The following SBSPON variants were observed in gnomAD, a reference collection of about 807,000 sequenced individuals.
SBSPON encodes the protein somatomedin B and thrombospondin type 1 domain containing.
Under a neutral mutation model 35.8 loss-of-function variants are expected in SBSPON, and 30 were observed. The observed-to-expected ratio is 0.84, with a 90% CI of 0.63 to 1.14. The LOEUF (loss-of-function observed/expected upper bound fraction) is 1.14, where lower values mean the gene tolerates loss of function less well. Among genes scored for constraint, SBSPON ranks in the 50% most tolerant of loss-of-function variants. The pLI, the probability that SBSPON is intolerant of heterozygous loss-of-function variation, is 0.00. For missense variants in SBSPON, 364 were observed against 357.7 expected (o/e 1.02, Z -0.14); for synonymous variants, 136 against 135.9 (o/e 1.00, Z 0.00).
intron 1 of SBSPON, among the ~76,000 whole-genome samples, chr8:73,084,067 A>G (rs2130028728): frequency 6.6e-6 from 1 of 152,360 alleles, no homozygotes; most frequent in South Asian, 2.1e-4. Context: ...GAGAGCACAG[A>G]CAGAAAATAA....
At position 73,093,111 on chromosome 8, in the gene SBSPON, G is replaced by T; in HGVS notation, c.-44C>A. On this transcript the variant is annotated 5_prime_UTR_variant, in exon 1 of 5. Coordinates refer to ENST00000297354, the MANE Select transcript of SBSPON (RefSeq NM_153225.4). ...GCCTGCGACGCGACAGACCCCCGGG[G>T]CAAGCGCTCTGATCCTCGGCTGGCC... 8.8e-7 allele frequency: 1 copy of T among 1,141,794 alleles called. No individual in the cohort carries two copies. The highest frequency in any genetic ancestry group is 1.6e-5 in the African/African-American group (1 of 60,656). The allele number at this position is 1,141,794 out of a possible 1,614,324, so 70.7% of individuals were successfully genotyped here.
At chr8:73,070,376 A>G (rs956653069) in intron 3 of SBSPON, among the ~76,000 whole-genome samples, 1 of 152,318 alleles carries the variant, frequency 6.6e-6, no homozygotes, top group African/African-American at 2.4e-5. Context: ...CACTTGCTTG[A>G]GCCTGAGAAC....
intron 3 of SBSPON, among the ~76,000 whole-genome samples, chr8:73,070,186 C>A (rs1311036402): frequency 1.3e-5 from 2 of 152,130 alleles, no homozygotes; most frequent in East Asian, 1.9e-4. Flanking sequence ...TCACAAAGAA[C>A]CTTTGTGCCC....
intron 3 of SBSPON, among the ~76,000 whole-genome samples, chr8:73,071,140 A>C (rs533726634): frequency 5.3e-5 from 8 of 152,296 alleles, no homozygotes; most frequent in African/African-American, 1.7e-4. Context: ...TACAGGTATG[A>C]GCAACCAGGC....
At chr8:73,071,985 G>T in intron 2 of SBSPON, 115 bp from the exon 3 acceptor site, 1 of 683,746 alleles carries the variant, frequency 1.5e-6, no homozygotes. Flanking sequence ...ACAGGGCTAC[G>T]GCACACCATC....
At position 73,092,978 on chromosome 8, in the gene SBSPON, G is replaced by A. The variant is rs756937427; in HGVS notation, c.90C>T (p.Pro30=). The part of the protein sequence containing the change: ...AGCAEAGRCC[P]GRDPACFARG... The stretch of plus-strand genomic sequence containing the variant: ...GGGCGAAGCAGGCGGGGTCCCGGCC[G>A]GGACAGCAGCGCCCGGCCTCGGCGC... Residue 30 remains proline, a synonymous_variant, in exon 1 of 5, where the codon CCC becomes CCT. Transcript: ENST00000297354. 3.2e-6 allele frequency: 5 copies of A among 1,571,066 alleles called. No individual in the cohort carries two copies. Among genetic ancestry groups the A allele is most frequent in the African/African-American group, 2.8e-5 (2 of 71,360 alleles).
At chr8:73,081,595 C>T (rs961926839) in intron 1 of SBSPON, among the ~76,000 whole-genome samples, 1 of 151,876 alleles carries the variant, frequency 6.6e-6, no homozygotes, top group African/African-American at 2.4e-5. Flanking sequence ...CTGCCCATAA[C>T]ATTTTTATTA....
chr8:73,069,753 A>G (rs1020779586), intron 4 of SBSPON, 52 bp downstream of exon 4: 2 of 1,468,730 alleles, frequency 1.4e-6, no homozygotes, highest in African/African-American at 1.4e-5. Context: ...GAGAGGACAG[A>G]TTTCTCAGAA....
rs568650778 is a variant in SBSPON, at chr8:73,092,650, A to G, written c.214+204T>C. On this transcript the variant is annotated intron_variant, in intron 1 of 4. Coordinates refer to ENST00000297354, the MANE Select transcript of SBSPON (RefSeq NM_153225.4). Reference sequence around the variant, plus strand: ...TCTGGTCTGTCTTGGGGGTGGGGGGACACTTCGATGTCTAGCAGGGGACTG... The same window carrying G: ...TCTGGTCTGTCTTGGGGGTGGGGGGGCACTTCGATGTCTAGCAGGGGACTG... Among the ~76,000 whole-genome samples the G allele has an allele frequency of 2.6e-4, 40 of 151,588 alleles. 1 individual carries two copies. Among genetic ancestry groups the G allele is most frequent in the African/African-American group, 9.2e-4 (38 of 41,322 alleles).
chr8:73,073,024 TATA>T (rs1028165132), intron 2 of SBSPON, among the ~76,000 whole-genome samples: 1 of 152,226 alleles, frequency 6.6e-6, no homozygotes, highest in Admixed American at 6.5e-5. Context: ...CATTTGTTGC[TATA>T]ATAACACCTA....
In SBSPON at chr8:73,093,048, GC is replaced by G; in HGVS notation, c.19del (p.Ala7ArgfsTer135). The G allele has an allele frequency of 7.3e-7, 1 of 1,373,296 alleles. No homozygotes were observed. Among genetic ancestry groups the G allele is most frequent in the South Asian group, 1.8e-5 (1 of 54,788 alleles). The allele number at this position is 1,373,296 out of a possible 1,614,324, so 85.1% of individuals were successfully genotyped here. MRTLWM[A>X]LCALSRLWPG... ...CCACAGCCGCGACAGCGCGCACAGC[GC>G]CATCCACAGGGTCCTCATGGCCAGG... On this transcript the variant is annotated frameshift_variant, in exon 1 of 5. Coordinates refer to ENST00000297354, the MANE Select transcript of SBSPON (RefSeq NM_153225.4). LOFTEE classifies it high-confidence loss of function.
rs1240291771 is a variant in SBSPON at position 73,093,020 on chromosome 8, G to A, written c.48C>T (p.Pro16=). The A allele has an allele frequency of 9.9e-6, 14 of 1,409,690 alleles. No homozygotes were observed. The highest frequency in any genetic ancestry group is 3.8e-5 in the Admixed American group (1 of 26,068). 87.3% of individuals were successfully genotyped at this position (1,409,690 alleles called of 1,614,324 possible). The change falls in exon 1 of 5, where the codon CCC becomes CCT. Residue 16 remains proline (P), a synonymous_variant. Coordinates refer to ENST00000297354, the MANE Select transcript of SBSPON (RefSeq NM_153225.4). ...CCTCGGCGCAGCCGGCCTGGGCCCC[G>A]GGCCACAGCCGCGACAGCGCGCACA... ...MALCALSRLW[P]GAQAGCAEAG...
intron 2 of SBSPON, among the ~76,000 whole-genome samples, chr8:73,080,080 G>A (rs1435254169): frequency 6.6e-6 from 1 of 152,104 alleles, no homozygotes; most frequent in Non-Finnish European, 1.5e-5. Flanking sequence ...TTCTCTGTGA[G>A]CCTTGTATGG....
Position 73,069,911 on chromosome 8 carries a change from A to G in SBSPON, c.571T>C (p.Trp191Arg). ...TATCCCTCTCGGAGATACTGCATCC[A>G]TCTAGTCAAGGGCCAGTTTTCCAGA... ...CALENWPLTRWMQYLREGYTV... is the reference protein window; with the variant it reads ...CALENWPLTRRMQYLREGYTV... The change falls in exon 4 of 5, where the codon TGG becomes CGG. Residue 191 changes from tryptophan (W) to arginine (R), a missense_variant. Transcript: ENST00000297354. 1 of 1,612,950 alleles carries G rather than the reference A, an allele frequency of 6.2e-7. No homozygotes were observed.
At chr8:73,078,671 C>T (rs904126098) in intron 2 of SBSPON, among the ~76,000 whole-genome samples, 9 of 152,192 alleles carry the variant, frequency 5.9e-5, no homozygotes, top group Non-Finnish European at 1.3e-4. Context: ...CCATAATGTC[C>T]TACAGTGTCT....
chr8:73,071,753 T>TTA lies in SBSPON; in HGVS notation c.500+26_500+27insTA, dbSNP rs777789391. On this transcript the variant is annotated intron_variant, in intron 3 of 4. Coordinates refer to ENST00000297354, the MANE Select transcript of SBSPON (RefSeq NM_153225.4). Reference sequence around the variant, plus strand: ...TGACTATACAATTGAAAAACATGATTAAAAAAAAAAAAAAACACGAAATTA... The same window carrying TTA: ...TGACTATACAATTGAAAAACATGATTTAAAAAAAAAAAAAAAACACGAAATTA... 24 of 1,287,642 alleles carry TTA rather than the reference T, an allele frequency of 1.9e-5. No homozygotes were observed. In the East Asian group the frequency reaches 5.3e-4, roughly 29 times the overall value. The allele number at this position is 1,287,642 out of a possible 1,614,324, so 79.8% of individuals were successfully genotyped here. A position where few individuals can be genotyped will look rare whatever the true frequency, so the allele number is the denominator to read the frequency against.
At chr8:73,088,022 C>T (rs10107863) in intron 1 of SBSPON, among the ~76,000 whole-genome samples, 98,712 of 152,076 alleles carry the variant, frequency 0.65, 32,620 homozygotes, top group East Asian at 0.84. Context: ...CCATCCCTTT[C>T]TTAGAGGAGG....
intron 1 of SBSPON, among the ~76,000 whole-genome samples, chr8:73,088,846 A>G (rs1810882271): frequency 6.6e-6 from 1 of 152,210 alleles, no homozygotes; most frequent in African/African-American, 2.4e-5. Context: ...GAAATCAGGC[A>G]CTTCAGATCT....
At chr8:73,068,724 T>C (rs543794822) in intron 4 of SBSPON, among the ~76,000 whole-genome samples, 14 of 152,236 alleles carry the variant, frequency 9.2e-5, no homozygotes, top group African/African-American at 2.9e-4. Flanking sequence ...AGAAGCCCCA[T>C]TGAGCAACAG....
Sources: allele counts gnomAD v4.1 joint callset (sites outside exome capture counted in the v4.1 genomes callset), GRCh38; gene constraint gnomAD v4.1.1; transcripts MANE v1.5; gene names NCBI Gene and HGNC (gene_info 2026-07-23, HGNC 2026-07-21).